Variants in UNC5D observed in about 807,000 individuals in gnomAD.
UNC5D encodes unc-5 netrin receptor D.
UNC5D carries 39 observed loss-of-function variants against 105.4 expected under a neutral mutation model. That is an observed-to-expected ratio of 0.37 (90% CI 0.29 to 0.48). The LOEUF is 0.48. Ranked by LOEUF, UNC5D falls within the 20% of genes least tolerant of loss-of-function variation. The probability of loss-of-function intolerance (pLI) is 0.98; values close to 1 mark genes in which losing one functional copy is unlikely to be tolerated. For missense variants in UNC5D, 991 were observed against 1,202.4 expected (o/e 0.82, Z 2.60); for synonymous variants, 452 against 450.4 (o/e 1.00, Z -0.04).
At chr8:35,572,247 C>T (rs549008724) in intron 3 of UNC5D, among the ~76,000 whole-genome samples, 1 of 124,326 alleles carries the variant, frequency 8.0e-6, no homozygotes, top group Non-Finnish European at 1.6e-5. Context: ...GAGATTGTGC[C>T]ATTGCACTCC....
In UNC5D at chr8:35,759,214, A is replaced by G. The variant is rs1227011071; in HGVS notation, c.2164-106A>G. On this transcript the variant is annotated intron_variant, in intron 13 of 16. Coordinates refer to ENST00000404895, the MANE Select transcript of UNC5D (RefSeq NM_080872.4). ...TATGTTTCTCCTATGCTCTCTGTCC[A>G]TTTGTGGAAGACACATGGTAGTGAG... 6 of 1,271,936 alleles carry G rather than the reference A, an allele frequency of 4.7e-6. No individual in the cohort carries two copies. In the African/African-American group the frequency reaches 7.6e-5, roughly 16 times the overall value. The allele number at this position is 1,271,936 out of a possible 1,614,324, so 78.8% of individuals were successfully genotyped here.
At chr8:35,642,000 C>G (rs528657703) in intron 4 of UNC5D, among the ~76,000 whole-genome samples, 1 of 152,230 alleles carries the variant, frequency 6.6e-6, no homozygotes, top group African/African-American at 2.4e-5. Context: ...GAACAGGGAG[C>G]TAAAATCTCT....
chr8:35,695,295 A>C (rs1393144585), intron 7 of UNC5D, among the ~76,000 whole-genome samples: 3 of 152,162 alleles, frequency 2.0e-5, no homozygotes, highest in Non-Finnish European at 2.9e-5. Flanking sequence ...GGTCCTGAGA[A>C]GGTGACAGAC....
intron 7 of UNC5D, among the ~76,000 whole-genome samples, chr8:35,694,387 C>A (rs1203890934): frequency 5.3e-5 from 8 of 151,996 alleles, no homozygotes; most frequent in Admixed American, 5.2e-4. Context: ...CAGACAGGAA[C>A]CTAGAATTGG....
At chr8:35,775,875 A>G (rs1172415855) in intron 16 of UNC5D, among the ~76,000 whole-genome samples, 1 of 152,194 alleles carries the variant, frequency 6.6e-6, no homozygotes. Context: ...CTGAATTTAC[A>G]GAGACAGGCA....
Position 35,478,470 on chromosome 8 carries a change from G to T in UNC5D, c.104-70822G>T, listed in dbSNP as rs536852169. ...TAATATCCTAGATGAAAACATATAA[G>T]CAAATTTAGCTTTACATATCTATTC... On this transcript the variant is annotated intron_variant, in intron 1 of 16. Coordinates refer to ENST00000404895, the MANE Select transcript of UNC5D (RefSeq NM_080872.4). Among the ~76,000 whole-genome samples the T allele has an allele frequency of 2.0e-5, 3 of 152,236 alleles. No individual in the cohort carries two copies. In the South Asian group the frequency reaches 6.2e-4, roughly 32 times the overall value.
At chr8:35,392,017 A>G (rs1305593368) in intron 1 of UNC5D, among the ~76,000 whole-genome samples, 1 of 152,212 alleles carries the variant, frequency 6.6e-6, no homozygotes, top group Non-Finnish European at 1.5e-5. Flanking sequence ...ACAAATTACC[A>G]CAAACTTAAG....
chr8:35,440,251 G>A (rs79766763), intron 1 of UNC5D, among the ~76,000 whole-genome samples: 7,111 of 151,970 alleles, frequency 0.047, 186 homozygotes, highest in African/African-American at 0.065. Context: ...AGCTCTCTGA[G>A]TGCATGTTGA....
At chr8:35,477,790 T>TA (rs1040755465) in intron 1 of UNC5D, among the ~76,000 whole-genome samples, 76 of 151,846 alleles carry the variant, frequency 5.0e-4, no homozygotes, top group African/African-American at 1.7e-3. Flanking sequence ...GCGCAACTTA[T>TA]AAAAAAAATA....
chr8:35,377,680 G>A (rs1346563961), intron 1 of UNC5D, among the ~76,000 whole-genome samples: 1 of 152,152 alleles, frequency 6.6e-6, no homozygotes, highest in East Asian at 1.9e-4. Context: ...ATATATCAGA[G>A]GTGCCCCAGG....
chr8:35,279,259 G>A (rs1022485299), intron 1 of UNC5D, among the ~76,000 whole-genome samples: 5 of 152,136 alleles, frequency 3.3e-5, no homozygotes, highest in African/African-American at 4.8e-5. Flanking sequence ...TTCCTTCGGT[G>A]TTTCTGAAAG....
intron 4 of UNC5D, among the ~76,000 whole-genome samples, chr8:35,664,876 C>G (rs1824328933): frequency 2.0e-5 from 3 of 152,138 alleles, no homozygotes; most frequent in South Asian, 4.2e-4. Context: ...GATGGGTCTT[C>G]CTCTGTCATC....
intron 1 of UNC5D, among the ~76,000 whole-genome samples, chr8:35,251,415 A>G (rs140488607): frequency 1.3e-5 from 2 of 152,258 alleles, no homozygotes; most frequent in East Asian, 3.9e-4. Flanking sequence ...GATCCCTCCC[A>G]CAACACGTGG....
chr8:35,636,740 C>T (rs1465267331), intron 4 of UNC5D, among the ~76,000 whole-genome samples: 3 of 152,188 alleles, frequency 2.0e-5, no homozygotes, highest in Admixed American at 6.5e-5. Flanking sequence ...CCTTTCTGTT[C>T]TCACAAGGTT....
In UNC5D at chr8:35,393,158, G is replaced by A. The variant is rs866471943; in HGVS notation, c.104-156134G>A. Among the ~76,000 whole-genome samples the A allele has an allele frequency of 3.3e-3, 358 of 108,434 alleles. 2 individuals carry two copies. Among genetic ancestry groups the A allele is most frequent in the African/African-American group, 0.012 (331 of 28,516 alleles). The allele number at this position is 108,434 out of a possible 152,430, so 71.1% of individuals were successfully genotyped here. ...TTTTTTTTTTTTTTTTTTTTGAGACGGAGTCTCGCTGTCGCCCAGGCTGGA... is the reference window on the plus strand; with the variant it reads ...TTTTTTTTTTTTTTTTTTTTGAGACAGAGTCTCGCTGTCGCCCAGGCTGGA... On this transcript the variant is annotated intron_variant, in intron 1 of 16. Coordinates refer to ENST00000404895, the MANE Select transcript of UNC5D (RefSeq NM_080872.4).
chr8:35,748,154 GTCATT>G (rs1431415614), intron 11 of UNC5D, among the ~76,000 whole-genome samples: 3 of 152,182 alleles, frequency 2.0e-5, no homozygotes, highest in Non-Finnish European at 4.4e-5. Context: ...GACCAGACCA[GTCATT>G]TCTATAAAGT....
At chr8:35,490,918 T>G (rs2130103314) in intron 1 of UNC5D, among the ~76,000 whole-genome samples, 1 of 152,296 alleles carries the variant, frequency 6.6e-6, no homozygotes, top group South Asian at 2.1e-4. Context: ...TCTTTTCTTT[T>G]TTTCATTTTC....
At chr8:35,438,212 G>A (rs527470430) in intron 1 of UNC5D, among the ~76,000 whole-genome samples, 2 of 152,104 alleles carry the variant, frequency 1.3e-5, no homozygotes, top group East Asian at 3.9e-4. Context: ...ACGTGGCTTT[G>A]AATTTTGTCT....
chr8:35,486,447 GT>G (rs774124907), intron 1 of UNC5D, among the ~76,000 whole-genome samples: 4 of 152,154 alleles, frequency 2.6e-5, no homozygotes, highest in Non-Finnish European at 5.9e-5. Flanking sequence ...TCTGAAAAAT[GT>G]TAAAATGATC....
Sources: gnomAD v4.1 joint callset for allele counts (sites outside exome capture counted in the v4.1 genomes callset) on GRCh38, gnomAD v4.1.1 for gene constraint, MANE v1.5 for transcripts, NCBI Gene and HGNC (gene_info 2026-07-23, HGNC 2026-07-21) for gene names.